Variants in RNASEL observed in about 807,000 individuals in gnomAD.
The protein encoded by RNASEL is 2-5A-dependent ribonuclease.
RNASEL carries 36 observed loss-of-function variants against 50.9 expected under a neutral mutation model. That is an observed-to-expected ratio of 0.71 (90% CI 0.54 to 0.93). The LOEUF (loss-of-function observed/expected upper bound fraction) is 0.93. Ranked by LOEUF, RNASEL falls within the 40% of genes least tolerant of loss-of-function variation. The pLI is 0.00. For synonymous variants in RNASEL, 335 were observed against 335.6 expected, an observed-to-expected ratio of 1.00 and a Z score of 0.02; for missense variants, 860 against 894.5, an observed-to-expected ratio of 0.96 and a Z score of 0.49.
intron 1 of RNASEL, among the ~76,000 whole-genome samples, chr1:182,587,259 A>G (rs1464651542): frequency 6.6e-6 from 1 of 152,136 alleles, no homozygotes; most frequent in Non-Finnish European, 1.5e-5. Context: ...TTCATTTAAT[A>G]CCATACTATA....
In RNASEL at chr1:182,576,319, A is replaced by G; in HGVS notation, c.1976T>C (p.Val659Ala). 3.1e-6 allele frequency: 5 copies of G among 1,610,336 alleles called. No individual in the cohort carries two copies. The South Asian group carries it at 5.5e-5, about 18-fold the overall frequency. Residue 659 changes from valine to alanine, a missense_variant, in exon 6 of 7, where the codon GTG (valine) becomes GCG (alanine). Transcript: ENST00000367559. The part of the protein sequence containing the change: ...EKRGNFYQNT[V>A]GDLLKFIRNL... ...CCGGATGAACTTTAGCAGATCACCC[A>G]CAGTGTTCTGGTAGAAATTGCCTCT...
At position 182,586,739 on chromosome 1, in the gene RNASEL, A is replaced by C; in HGVS notation, c.68T>G (p.Val23Gly). Residue 23 changes from valine to glycine, a missense_variant, in exon 2 of 7, where the codon GTG (valine) becomes GGG (glycine). Transcript: ENST00000367559. ...PTSSSGRRAA[V>G]EDNHLLIKAV... ...TTTAATCAGCAAGTGATTGTCTTCCACTGCAGCCCTTCTACCGCTGGAGGA... is the reference window on the plus strand; with the variant it reads ...TTTAATCAGCAAGTGATTGTCTTCCCCTGCAGCCCTTCTACCGCTGGAGGA... The C allele has an allele frequency of 6.2e-7, 1 of 1,614,248 alleles. No individual in the cohort carries two copies. The highest frequency in any genetic ancestry group is 1.1e-5 in the South Asian group (1 of 91,090).
chr1:182,586,547 A>G lies in RNASEL; in HGVS notation c.260T>C (p.Leu87Pro). Residue 87 changes from leucine to proline, a missense_variant, in exon 2 of 7, where the codon CTG becomes CCG. Leu to Pro is a moderately conservative substitution (Grantham distance 98). Transcript: ENST00000367559. The part of the protein sequence containing the change: ...LLLRHGADPV[L>P]RKKNGATPFI... ...AGGCGTGGCCCCATTCTTCTTCCTC[A>G]GAACAGGGTCAGCACCATGACGAAG... 1 of 1,608,178 alleles carries G rather than the reference A, an allele frequency of 6.2e-7. No homozygotes were observed. Among genetic ancestry groups the G allele is most frequent in the African/African-American group, 1.3e-5 (1 of 74,768 alleles).
intron 5 of RNASEL, among the ~76,000 whole-genome samples, chr1:182,580,897 C>CCATAA (rs1661480266): frequency 1.3e-5 from 2 of 152,144 alleles, no homozygotes; most frequent in Non-Finnish European, 2.9e-5. Context: ...ATTTAGTCAG[C>CCATAA]TGCTCGTGCC....
At position 182,582,162 on chromosome 1, in the gene RNASEL, G is replaced by A. The variant is rs1216173011; in HGVS notation, c.1663C>T (p.Pro555Ser). Residue 555 changes from proline (P) to serine (S), a missense_variant, in exon 4 of 7, where the codon CCA becomes TCA. Coordinates refer to ENST00000367559, the MANE Select transcript of RNASEL (RefSeq NM_021133.4). Reference sequence around the variant, plus strand: ...ATGAGGTCCTTAGTTTCCTCATCTGGAGAAAGTTGAACCACCTCTTCATTA... The same window carrying A: ...ATGAGGTCCTTAGTTTCCTCATCTGAAGAAAGTTGAACCACCTCTTCATTA... ...QSNEEVVQLS[P>S]DEETKDLIHR... is the part of the protein sequence containing the mutation. 6.2e-7 allele frequency: 1 copy of A among 1,614,208 alleles called. No homozygotes were observed. The highest frequency in any genetic ancestry group is 8.5e-7 in the Non-Finnish European group (1 of 1,180,034).
intron 4 of RNASEL, 23 bp from the exon 5 acceptor site, chr1:182,581,380 A>AATGATC (rs1399520238): frequency 4.3e-6 from 7 of 1,613,420 alleles, no homozygotes; most frequent in Non-Finnish European, 5.9e-6. Context: ...AAATGATCTA[A>AATGATC]ATGATCATGA....
chr1:182,575,589 A>G lies in RNASEL; in HGVS notation c.2040-11T>C, dbSNP rs1661364020. On this transcript the variant is annotated splice_polypyrimidine_tract_variant and intron_variant, in intron 6 of 6. Coordinates refer to ENST00000367559, the MANE Select transcript of RNASEL (RefSeq NM_021133.4). ...ATTTTTAATTTCATCCTGAAATAAA[A>G]CACAAATTGTTCAGCATGCTTGCCC... 6.2e-7 allele frequency: 1 copy of G among 1,613,944 alleles called. No homozygotes were observed. Among genetic ancestry groups the G allele is most frequent in the Admixed American group, 1.7e-5 (1 of 60,006 alleles).
intron 5 of RNASEL, chr1:182,576,636 A>AGG: frequency 5.2e-6 from 2 of 386,304 alleles, no homozygotes; most frequent in South Asian, 3.0e-5. Context: ...AGAGGCCGAA[A>AGG]TGGGCGGATC....
At chr1:182,579,411 G>T (rs1661449764) in intron 5 of RNASEL, 1 of 993,682 alleles carries the variant, frequency 1.0e-6, no homozygotes, top group Admixed American at 5.5e-5. Context: ...AATCCAGTGG[G>T]TCACTTAGGA....
Position 182,577,420 on chromosome 1 carries a change from T to C in RNASEL, c.1906-1031A>G, listed in dbSNP as rs552086548. Among the ~76,000 whole-genome samples the C allele has an allele frequency of 3.3e-4, 51 of 152,308 alleles. 1 individual carries two copies. In the South Asian group the frequency reaches 4.6e-3, roughly 14 times the overall value. On this transcript the variant is annotated intron_variant, in intron 5 of 6. Coordinates refer to ENST00000367559, the MANE Select transcript of RNASEL (RefSeq NM_021133.4). ...TCAAATTCGTACTTGATTACATGTCTTTCTTTAAAAGGGCTATTCAGACTG... is the reference window on the plus strand; with the variant it reads ...TCAAATTCGTACTTGATTACATGTCCTTCTTTAAAAGGGCTATTCAGACTG...
chr1:182,583,834 T>C (rs1470005554), intron 3 of RNASEL, among the ~76,000 whole-genome samples: 1 of 152,226 alleles, frequency 6.6e-6, no homozygotes, highest in Non-Finnish European at 1.5e-5. Flanking sequence ...AAGGCTGCAC[T>C]GTCGGCTTCC....
At position 182,581,253 on chromosome 1, in the gene RNASEL, G is replaced by C. The variant is rs765620831; in HGVS notation, c.1877C>G (p.Ser626Cys). The C allele has an allele frequency of 3.1e-6, 5 of 1,613,968 alleles. No individual in the cohort carries two copies. The African/African-American group carries it at 4.0e-5, about 13-fold the overall frequency. ...RLLQPGPSEHSKSFDKWTTKI... is the reference protein window; with the variant it reads ...RLLQPGPSEHCKSFDKWTTKI... Reference sequence around the variant, plus strand: ...AGTCGTCCACTTGTCAAAACTTTTGGAATGTTCAGAAGGCCCAGGTTGCAG... The same window carrying C: ...AGTCGTCCACTTGTCAAAACTTTTGCAATGTTCAGAAGGCCCAGGTTGCAG... Residue 626 changes from serine to cysteine, a missense_variant, in exon 5 of 7, where the codon TCC (serine) becomes TGC (cysteine). By Grantham distance (112) the Ser-to-Cys change is moderately radical. Transcript: ENST00000367559.
chr1:182,584,425 A>C (rs1332743208), intron 2 of RNASEL, among the ~76,000 whole-genome samples: 1 of 152,182 alleles, frequency 6.6e-6, no homozygotes. Flanking sequence ...GGATGAGGAC[A>C]AATTTAACCA....
At chr1:182,588,885 T>C (rs1661648699) in intron 1 of RNASEL, among the ~76,000 whole-genome samples, 2 of 152,176 alleles carry the variant, frequency 1.3e-5, no homozygotes, top group African/African-American at 4.8e-5. Context: ...GCGGAAGTAC[T>C]CCAACAGACA....
In RNASEL at chr1:182,576,296, G is replaced by A. The variant is rs374614472; in HGVS notation, c.1999C>T (p.Arg667Trp). 39 of 1,611,324 alleles carry A rather than the reference G, an allele frequency of 2.4e-5. No homozygotes were observed. The highest frequency in any genetic ancestry group is 4.0e-5 in the African/African-American group (3 of 74,846). Residue 667 changes from arginine (R) to tryptophan (W), a missense_variant, in exon 6 of 7, where the codon CGG becomes TGG. Coordinates refer to ENST00000367559, the MANE Select transcript of RNASEL (RefSeq NM_021133.4). ...TCATCAATGTGTTCTCCCAAATTCC[G>A]GATGAACTTTAGCAGATCACCCACA... is the stretch of plus-strand genomic sequence containing the variant. ...NTVGDLLKFI[R>W]NLGEHIDEEK...
Position 182,586,075 on chromosome 1 carries a change from G to A in RNASEL, c.732C>T (p.Ile244=). The A allele has an allele frequency of 6.2e-7, 1 of 1,614,088 alleles. No individual in the cohort carries two copies. The highest frequency in any genetic ancestry group is 8.5e-7 in the Non-Finnish European group (1 of 1,180,012). Residue 244 remains isoleucine, a synonymous_variant, in exon 2 of 7, where the codon ATC becomes ATT. Transcript: ENST00000367559. The part of the protein sequence containing the change: ...VRGERGKTPL[I]LAVEKKHLGL... Reference sequence around the variant, plus strand: ...CCAAGTGCTTCTTCTCCACTGCCAGGATCAGGGGAGTCTTCCCTCTTTCTC... The same window carrying A: ...CCAAGTGCTTCTTCTCCACTGCCAGAATCAGGGGAGTCTTCCCTCTTTCTC...
At chr1:182,585,015 C>A (rs963011004) in intron 2 of RNASEL, among the ~76,000 whole-genome samples, 3 of 152,162 alleles carry the variant, frequency 2.0e-5, no homozygotes, top group Non-Finnish European at 4.4e-5. Context: ...AGGAACTCAC[C>A]TCTAGGATTC....
At chr1:182,582,354 G>C in intron 3 of RNASEL, 96 bp from the exon 4 acceptor site, 1 of 1,432,084 alleles carries the variant, frequency 7.0e-7, no homozygotes, top group Non-Finnish European at 9.8e-7. Flanking sequence ...AAGATGATGG[G>C]AGGAATCTCA....
At chr1:182,583,983 T>C in intron 3 of RNASEL, 98 bp downstream of exon 3, 1 of 856,890 alleles carries the variant, frequency 1.2e-6, no homozygotes, top group Admixed American at 1.7e-5. Flanking sequence ...CATATATACA[T>C]ATGTCCTACT....
Sources: gnomAD v4.1 joint callset for allele counts (sites outside exome capture counted in the v4.1 genomes callset) on GRCh38, gnomAD v4.1.1 for gene constraint, MANE v1.5 for transcripts, NCBI Gene and HGNC (gene_info 2026-07-23, HGNC 2026-07-21) for gene names.